The following NAV1 variants were observed in gnomAD, a reference collection of about 807,000 sequenced individuals.
NAV1 encodes neuron navigator 1.
Under a neutral mutation model 175.2 loss-of-function variants are expected in NAV1, and 18 were observed. The observed-to-expected ratio is 0.10, with a 90% CI of 0.07 to 0.15. The LOEUF is 0.15. Ranked by LOEUF, NAV1 falls within the 10% of genes least tolerant of loss-of-function variation. NAV1 has a pLI of 1.00. For synonymous variants in NAV1, 897 were observed against 978.7 expected, an observed-to-expected ratio of 0.92 and a Z score of 1.56; for missense variants, 1,731 against 2,436.6, an observed-to-expected ratio of 0.71 and a Z score of 6.10.
intron 1 of NAV1, among the ~76,000 whole-genome samples, chr1:201,689,396 A>C (rs1310568866): frequency 6.6e-6 from 1 of 152,134 alleles, no homozygotes; most frequent in Non-Finnish European, 1.5e-5. Flanking sequence ...CTCTTAAATC[A>C]TGTCACCACT....
At position 201,696,686 on chromosome 1, in the gene NAV1, G is replaced by A. The variant is rs140039921; in HGVS notation, c.758-16131G>A. On this transcript the variant is annotated intron_variant, in intron 1 of 29. Coordinates refer to ENST00000367296, the Ensembl canonical transcript of NAV1. The stretch of plus-strand genomic sequence containing the variant: ...CATGAGTCAGGAAGGGCCTCCTGGC[G>A]TCCGCCTCTGTTGTCTTTTTGGTCA... Among the ~76,000 whole-genome samples, 280 of 152,292 alleles carry A rather than the reference G, an allele frequency of 1.8e-3. 1 individual carries two copies. The highest frequency in any genetic ancestry group is 3.7e-3 in the Admixed American group (57 of 15,306).
intron 2 of NAV1, among the ~76,000 whole-genome samples, chr1:201,634,554 ATAAG>A (rs1668562921): frequency 3.9e-5 from 6 of 152,330 alleles, no homozygotes; most frequent in Admixed American, 3.9e-4. Context: ...AAGAGGCCAG[ATAAG>A]TAAGGTCATC....
intron 1 of NAV1, among the ~76,000 whole-genome samples, chr1:201,567,757 A>C (rs1666399571): frequency 6.6e-6 from 1 of 152,110 alleles, no homozygotes; most frequent in Non-Finnish European, 1.5e-5. Context: ...TACCCATGAG[A>C]GACTATGGCT....
chr1:201,610,365 G>A (rs1667811280), intron 2 of NAV1, among the ~76,000 whole-genome samples: 1 of 152,234 alleles, frequency 6.6e-6, no homozygotes, highest in Non-Finnish European at 1.5e-5. Context: ...TTCCCTCCCT[G>A]AAGCTCAAAA....
chr1:201,819,987 T>C, exon 30 of NAV1: 2 of 1,502,570 alleles, frequency 1.3e-6, no homozygotes, highest in Non-Finnish European at 1.9e-6. Context: ...TCAGCTATCT[T>C]AGCTCCTCCT....
intron 3 of NAV1, among the ~76,000 whole-genome samples, chr1:201,742,376 A>C (rs145219345): frequency 1.3e-5 from 2 of 152,292 alleles, no homozygotes; most frequent in African/African-American, 2.4e-5. Flanking sequence ...GCTCTTGATG[A>C]GTGAGCTGTG....
chr1:201,773,032 C>CA (rs5780087), intron 3 of NAV1, among the ~76,000 whole-genome samples: 11,997 of 97,558 alleles, frequency 0.12, 1,125 homozygotes, highest in African/African-American at 0.29. Flanking sequence ...GATTCCATCT[C>CA]AAAAAAAAAA....
rs1324660862 is a variant in NAV1 at position 201,602,281 on chromosome 1, T to TA, written c.-33+13638dup. 2.6e-5 allele frequency among the ~76,000 whole-genome samples: 4 copies of TA among 152,210 alleles called. No homozygotes were observed. In the East Asian group the frequency reaches 7.7e-4, roughly 29 times the overall value. ...AAAAAGAATTGGACCCCACTGGGCC[T>TA]AAAAAACTCCTTGTTCTTAAAGTTG... is the stretch of plus-strand genomic sequence containing the variant. On this transcript the variant is annotated intron_variant, in intron 2 of 33. Transcript: ENST00000685211.
At chr1:201,580,293 C>G (rs968091189) in intron 1 of NAV1, among the ~76,000 whole-genome samples, 11 of 152,210 alleles carry the variant, frequency 7.2e-5, no homozygotes, top group African/African-American at 2.7e-4. Context: ...TTACTAGCTA[C>G]CTGGGTATCC....
At chr1:201,604,510 C>T (rs1473831045) in intron 2 of NAV1, among the ~76,000 whole-genome samples, 1 of 151,864 alleles carries the variant, frequency 6.6e-6, no homozygotes, top group Admixed American at 6.6e-5. Flanking sequence ...GGTGAAACCC[C>T]ATCTCTACTA....
intron 1 of NAV1, among the ~76,000 whole-genome samples, chr1:201,567,366 C>T (rs1010960774): frequency 1.3e-5 from 2 of 152,166 alleles, no homozygotes; most frequent in African/African-American, 2.4e-5. Context: ...GTCAAGTTAC[C>T]GGGGTTGGAG....
chr1:201,564,950 C>T (rs1260684715), intron 1 of NAV1, among the ~76,000 whole-genome samples: 3 of 152,290 alleles, frequency 2.0e-5, no homozygotes, highest in Non-Finnish European at 4.4e-5. Flanking sequence ...AGGAAAGGTT[C>T]TCTGCTTTTA....
intron 3 of NAV1, among the ~76,000 whole-genome samples, chr1:201,737,050 A>G (rs559043396): frequency 6.7e-4 from 102 of 151,822 alleles, no homozygotes; most frequent in African/African-American, 2.3e-3. Context: ...CCACACCCTC[A>G]TGACAGGCAA....
chr1:201,549,973 T>C (rs563703179), intron 1 of NAV1, among the ~76,000 whole-genome samples: 1 of 123,272 alleles, frequency 8.1e-6, no homozygotes, highest in African/African-American at 3.2e-5. Context: ...ATCTCACCAC[T>C]GCACTCCAGC....
At chr1:201,802,006 G>A (rs1051855995) in intron 15 of NAV1, among the ~76,000 whole-genome samples, 56 of 148,422 alleles carry the variant, frequency 3.8e-4, no homozygotes, top group Non-Finnish European at 6.2e-4. Flanking sequence ...GCGTAGTGGC[G>A]GGCGCCTGTA....
chr1:201,663,145 AG>A (rs1474993249), intron 1 of NAV1, among the ~76,000 whole-genome samples: 3 of 152,178 alleles, frequency 2.0e-5, no homozygotes, highest in Non-Finnish European at 2.9e-5. Flanking sequence ...CCTGGGGCGA[AG>A]GGGAACGGTC....
chr1:201,709,278 A>T (rs1671798571), intron 1 of NAV1, among the ~76,000 whole-genome samples: 2 of 152,086 alleles, frequency 1.3e-5, no homozygotes, highest in Non-Finnish European at 2.9e-5. Context: ...GGTGAAGCTT[A>T]GTTATGGGTT....
rs1041839197 is a variant in NAV1 at position 201,750,499 on chromosome 1, C to T, written c.1227-29922C>T. On this transcript the variant is annotated intron_variant, in intron 3 of 29. Transcript: ENST00000367296. The surrounding 1 kb of genome is among the most constrained non-coding windows in gnomAD (Gnocchi z 4.1). ...CTTCTGGTTAAAATGTTAGTAAAAA[C>T]GATTGCTCTTCTTAAAAAAGGGCTT... Among the ~76,000 whole-genome samples the T allele has an allele frequency of 1.1e-4, 17 of 152,174 alleles. 1 individual carries two copies. The highest frequency in any genetic ancestry group is 2.4e-4 in the African/African-American group (10 of 41,532).
intron 1 of NAV1, among the ~76,000 whole-genome samples, chr1:201,679,832 T>A (rs976015138): frequency 6.6e-6 from 1 of 152,182 alleles, no homozygotes; most frequent in Non-Finnish European, 1.5e-5. Flanking sequence ...GGAGCATAGG[T>A]TTGTCATTCC....
Sources: allele counts gnomAD v4.1 joint callset (sites outside exome capture counted in the v4.1 genomes callset), GRCh38; gene constraint gnomAD v4.1.1; non-coding constraint Gnocchi (gnomAD v3.1); transcripts MANE v1.5; gene names NCBI Gene and HGNC (gene_info 2026-07-23, HGNC 2026-07-21).